NALCN: variants seen among roughly 807,000 people sequenced by gnomAD.
The protein encoded by NALCN is sodium leak channel, non-selective.
Under a neutral mutation model 225.3 loss-of-function variants are expected in NALCN, and 111 were observed. The observed-to-expected ratio is 0.49, with a 90% CI of 0.42 to 0.58. NALCN has a LOEUF of 0.58. NALCN is among the 20% of genes least tolerant of loss of function. NALCN has a pLI of 0.00. For synonymous variants in NALCN, 764 were observed against 769.0 expected (o/e 0.99, Z 0.11); for missense variants, 1,378 against 2,202.4 (o/e 0.63, Z 7.49).
At chr13:101,065,341 C>A in intron 40 of NALCN, 63 bp downstream of exon 40, 2 of 1,554,448 alleles carry the variant, frequency 1.3e-6, no homozygotes, top group South Asian at 2.3e-5. Flanking sequence ...ACTGCAGAGG[C>A]CTTGAAGGCT....
chr13:101,360,100 TTCTCTTTC>T (rs1566614579), intron 6 of NALCN, among the ~76,000 whole-genome samples: 1 of 146,124 alleles, frequency 6.8e-6, no homozygotes, highest in African/African-American at 2.6e-5. Flanking sequence ...TTTCTTTTCT[TTCTCTTTC>T]TCTTTTTCTT....
At chr13:101,135,774 C>A (rs1041660431) in intron 17 of NALCN, among the ~76,000 whole-genome samples, 3 of 152,178 alleles carry the variant, frequency 2.0e-5, no homozygotes, top group African/African-American at 4.8e-5. Context: ...ACTAGCATGA[C>A]ACTTGATAGA....
chr13:101,269,393 G>T lies in NALCN; in HGVS notation c.1135-10819C>A, dbSNP rs562468016. 3.9e-5 allele frequency among the ~76,000 whole-genome samples: 6 copies of T among 152,090 alleles called. No individual in the cohort carries two copies. The South Asian group carries it at 1.2e-3, about 32-fold the overall frequency. ...GCCTCCTTCTGAGGAAAGTAGCCTC[G>T]GGGGTGAAACATTTCTCTATCTCCT... On this transcript the variant is annotated intron_variant, in intron 10 of 43. Transcript: ENST00000251127.
Position 101,104,938 on chromosome 13 carries a change from G to A in NALCN, c.2592C>T (p.Asp864=), listed in dbSNP as rs35991817. 2.0e-3 allele frequency: 3,287 copies of A among 1,613,528 alleles called. 87 individuals carry two copies. In the African/African-American group the frequency reaches 0.039, roughly 19 times the overall value. Residue 864 remains aspartate (D), a synonymous_variant, in exon 23 of 44, where the codon GAC becomes GAT. Coordinates refer to ENST00000251127, the MANE Select transcript of NALCN (RefSeq NM_052867.4). This position sits in a 1 kb window ranked among gnomAD's most constrained non-coding sequence, Gnocchi z 4.2. ...TATTTTTCACAGCTCCTGTGACAGGGTCTGTTTTAGATCTGTAAGAGAACA... is the reference window on the plus strand; with the variant it reads ...TATTTTTCACAGCTCCTGTGACAGGATCTGTTTTAGATCTGTAAGAGAACA... ...VRARFNASKT[D]PVTGAVKNTK... is the part of the protein sequence containing the mutation.
chr13:101,395,122 A>C (rs1206461868), intron 3 of NALCN, 61 bp downstream of exon 3: 1 of 1,458,782 alleles, frequency 6.9e-7, no homozygotes, highest in Non-Finnish European at 9.2e-7. Flanking sequence ...AAATATGATT[A>C]AAGGGATTAA....
chr13:101,090,673 C>T (rs1345900648), intron 28 of NALCN, among the ~76,000 whole-genome samples: 1 of 152,138 alleles, frequency 6.6e-6, no homozygotes, highest in East Asian at 1.9e-4. Flanking sequence ...TTTCTACCTC[C>T]ACCGCTGATT....
rs2039102411 is a variant in NALCN, at chr13:101,179,473, T to C, written c.1765-3099A>G. Among the ~76,000 whole-genome samples the C allele has an allele frequency of 2.0e-5, 3 of 152,212 alleles. No individual in the cohort carries two copies. The South Asian group carries it at 6.2e-4, about 32-fold the overall frequency. On this transcript the variant is annotated intron_variant, in intron 14 of 43. Transcript: ENST00000251127. ...TTGGTGCACAATCCCTCCATTTCTGTTGGGGGCTGGAAACATTATCTTGCT... is the reference window on the plus strand; with the variant it reads ...TTGGTGCACAATCCCTCCATTTCTGCTGGGGGCTGGAAACATTATCTTGCT...
chr13:101,124,247 T>C (rs991894315), intron 18 of NALCN, among the ~76,000 whole-genome samples: 1 of 152,224 alleles, frequency 6.6e-6, no homozygotes, highest in South Asian at 2.1e-4. Context: ...TGAACTATAA[T>C]GAAAAAGTTT....
At chr13:101,363,119 C>T (rs941318402) in intron 6 of NALCN, among the ~76,000 whole-genome samples, 1 of 152,072 alleles carries the variant, frequency 6.6e-6, no homozygotes, top group African/African-American at 2.4e-5. Context: ...ATATTCGATG[C>T]TCATGAATTG....
At position 101,356,177 on chromosome 13, in the gene NALCN, A is replaced by T. The variant is rs139426357; in HGVS notation, c.645-10757T>A. ...AAAAAAATCTAAAAGCTAGCAGAAG[A>T]CAAGAAATAACTAAGATCAGAGCAG... On this transcript the variant is annotated intron_variant, in intron 6 of 43. Transcript: ENST00000251127. Among the ~76,000 whole-genome samples, 1,439 of 152,258 alleles carry T rather than the reference A, an allele frequency of 9.5e-3. 7 individuals carry two copies. Among genetic ancestry groups the T allele is most frequent in the Non-Finnish European group, 0.016 (1,084 of 68,012 alleles).
At chr13:101,218,276 G>T (rs1048045056) in intron 13 of NALCN, among the ~76,000 whole-genome samples, 1 of 152,106 alleles carries the variant, frequency 6.6e-6, no homozygotes, top group Non-Finnish European at 1.5e-5. Context: ...GTATGAGTTT[G>T]CTAGGGCTGT....
chr13:101,131,243 G>A (rs2036502014), intron 17 of NALCN, among the ~76,000 whole-genome samples: 1 of 151,990 alleles, frequency 6.6e-6, no homozygotes, highest in African/African-American at 2.4e-5. Flanking sequence ...TTTTTCAATA[G>A]TATGCTACAG....
chr13:101,317,256 G>A (rs1005576321), intron 7 of NALCN, among the ~76,000 whole-genome samples: 2 of 152,120 alleles, frequency 1.3e-5, no homozygotes, highest in Non-Finnish European at 2.9e-5. Flanking sequence ...AAATAATAAT[G>A]TTTGATATAG....
chr13:101,142,475 A>C, intron 17 of NALCN, among the ~76,000 whole-genome samples: 1 of 152,246 alleles, frequency 6.6e-6, no homozygotes, highest in Middle Eastern at 3.4e-3. Flanking sequence ...GAATAAATGA[A>C]AAAGTACATT....
intron 13 of NALCN, among the ~76,000 whole-genome samples, chr13:101,201,691 T>C (rs1052276050): frequency 6.6e-6 from 1 of 152,160 alleles, no homozygotes; most frequent in Non-Finnish European, 1.5e-5. Flanking sequence ...ACGTGTAAAA[T>C]GTACATTTTT....
chr13:101,228,890 T>C (rs1283840332), intron 13 of NALCN, among the ~76,000 whole-genome samples: 1 of 152,206 alleles, frequency 6.6e-6, no homozygotes, highest in African/African-American at 2.4e-5. Flanking sequence ...TATGGATCCA[T>C]TGATTTCTAA....
intron 18 of NALCN, among the ~76,000 whole-genome samples, chr13:101,112,938 C>T (rs547306723): frequency 7.2e-4 from 109 of 151,826 alleles, no homozygotes; most frequent in Non-Finnish European, 1.2e-3. Flanking sequence ...CATATAAGAA[C>T]TTATTATATA....
intron 14 of NALCN, among the ~76,000 whole-genome samples, chr13:101,189,431 G>A (rs554033537): frequency 7.9e-5 from 12 of 152,132 alleles, no homozygotes; most frequent in African/African-American, 2.4e-4. Flanking sequence ...ATTTAAAGGG[G>A]CTCAGTGCTG....
At chr13:101,098,173 C>T (rs1594198688) in intron 27 of NALCN, among the ~76,000 whole-genome samples, 1 of 152,268 alleles carries the variant, frequency 6.6e-6, no homozygotes, top group East Asian at 1.9e-4. Context: ...CCCACCTCCT[C>T]CCTGAAGCCC....
Sources: gnomAD v4.1 joint callset for allele counts (sites outside exome capture counted in the v4.1 genomes callset) on GRCh38, gnomAD v4.1.1 for gene constraint, Gnocchi (gnomAD v3.1) non-coding constraint, MANE v1.5 for transcripts, NCBI Gene and HGNC (gene_info 2026-07-23, HGNC 2026-07-21) for gene names.